Variants in SPAG9 observed in about 807,000 individuals in gnomAD.
SPAG9 encodes sperm associated antigen 9.
A neutral mutation model predicts 166.5 loss-of-function variants in SPAG9; 35 were observed. That is an observed-to-expected ratio of 0.21 (90% CI 0.16 to 0.28). The LOEUF (loss-of-function observed/expected upper bound fraction) is 0.28, where lower values mean the gene tolerates loss of function less well. Among genes scored for constraint, SPAG9 ranks in the 10% least tolerant of loss-of-function variants. The probability of loss-of-function intolerance (pLI) is 1.00; values close to 1 mark genes in which losing one functional copy is unlikely to be tolerated. For synonymous variants in SPAG9, 534 were observed against 565.5 expected (o/e 0.94, Z 0.79); for missense variants, 1,235 against 1,603.3 (o/e 0.77, Z 3.92).
intron 27 of SPAG9, among the ~76,000 whole-genome samples, chr17:50,976,127 T>G (rs908697007): frequency 6.7e-6 from 1 of 148,338 alleles, no homozygotes; most frequent in Non-Finnish European, 1.5e-5. Context: ...ATTTATGGTG[T>G]TTTTTTTTTA....
chr17:51,027,080 A>T (rs995674323), intron 6 of SPAG9, among the ~76,000 whole-genome samples: 2 of 152,138 alleles, frequency 1.3e-5, no homozygotes, highest in African/African-American at 4.8e-5. Context: ...AATCGGACAA[A>T]GTATTTGGCC....
Position 50,996,547 on chromosome 17 carries a change from A to G in SPAG9, c.1968+18T>C. 1.2e-6 allele frequency: 2 copies of G among 1,613,878 alleles called. No homozygotes were observed. Among genetic ancestry groups the G allele is most frequent in the South Asian group, 2.2e-5 (2 of 91,046 alleles). ...CTCTTCTTTCCTGCTGGATGCTCTT[A>G]CCACATGTGCATATTACCTGTTTGT... On this transcript the variant is annotated intron_variant, in intron 16 of 29. Transcript: ENST00000262013.
intron 1 of SPAG9, among the ~76,000 whole-genome samples, chr17:51,099,666 T>C (rs1382787018): frequency 6.7e-6 from 1 of 148,564 alleles, no homozygotes; most frequent in Non-Finnish European, 1.5e-5. Context: ...GCCAACATCT[T>C]ACATTTCTGA....
rs113335123 is a variant in SPAG9, at chr17:51,035,160, T to A, written c.742-3438A>T. ...CCCTGTCTGTAATAAAAATTTTTTT[T>A]AAAAAAGCAATATGGGATCCTGGGC... On this transcript the variant is annotated intron_variant, in intron 5 of 29. Transcript: ENST00000262013. 2.8e-3 allele frequency among the ~76,000 whole-genome samples: 433 copies of A among 152,198 alleles called. 1 individual carries two copies. Among genetic ancestry groups the A allele is most frequent in the African/African-American group, 9.1e-3 (378 of 41,524 alleles).
rs1344352161 is a variant in SPAG9, at chr17:50,982,387, T to C, written c.3237+137A>G. Reference sequence around the variant, plus strand: ...TTAAGTAACACAGAAAGCTAAGATATTCAAATACATTACTCAAGTGCCCTA... The same window carrying C: ...TTAAGTAACACAGAAAGCTAAGATACTCAAATACATTACTCAAGTGCCCTA... On this transcript the variant is annotated intron_variant, in intron 25 of 29. Transcript: ENST00000262013. 6.9e-6 allele frequency: 5 copies of C among 720,532 alleles called. No homozygotes were observed. In the South Asian group the frequency reaches 9.1e-5, roughly 13 times the overall value. 44.6% of individuals were successfully genotyped at this position (720,532 alleles called of 1,614,324 possible).
At chr17:51,026,674 CTTTTTTTTTTTT>C (rs35339612) in intron 6 of SPAG9, among the ~76,000 whole-genome samples, 2 of 124,224 alleles carry the variant, frequency 1.6e-5, no homozygotes, top group African/African-American at 5.8e-5. Context: ...TTTTTCTTTT[CTTTTTTTTTTTT>C]TTTTTTGAGA....
At chr17:51,044,735 T>C (rs953986038) in intron 4 of SPAG9, among the ~76,000 whole-genome samples, 2 of 152,198 alleles carry the variant, frequency 1.3e-5, no homozygotes, top group Non-Finnish European at 2.9e-5. Flanking sequence ...TTTTAGGCAC[T>C]AGTAATTGGC....
rs1257171565 is a variant in SPAG9, at chr17:50,966,356, T to C, written c.3882A>G (p.Gly1294=). The change falls in exon 30 of 30, where the codon GGA becomes GGG. Residue 1294 remains glycine (G), a synonymous_variant. Coordinates refer to ENST00000262013, the MANE Select transcript of SPAG9 (RefSeq NM_001130528.3). ...GDEGGESELL[G]EDLPLEPSVT... ...CAGAAGGTTCAAGTGGAAGATCCTCTCCAAGAAGTTCTGATTCTCCACCTT... is the reference window on the plus strand; with the variant it reads ...CAGAAGGTTCAAGTGGAAGATCCTCCCCAAGAAGTTCTGATTCTCCACCTT... The C allele has an allele frequency of 6.2e-7, 1 of 1,613,508 alleles. No homozygotes were observed. The highest frequency in any genetic ancestry group is 8.5e-7 in the Non-Finnish European group (1 of 1,179,488).
chr17:51,047,240 C>T (rs2047050480), intron 4 of SPAG9, 135 bp downstream of exon 4: 3 of 584,050 alleles, frequency 5.1e-6, no homozygotes, highest in South Asian at 4.6e-5. Context: ...TTCTCTCCTG[C>T]AGCATTCCAA....
intron 5 of SPAG9, among the ~76,000 whole-genome samples, chr17:51,037,693 T>TATATATATATATATATATATATATATA (rs1568028403): frequency 1.1e-5 from 1 of 89,892 alleles, no homozygotes; most frequent in Non-Finnish European, 2.6e-5. Flanking sequence ...ATAGTGTGTG[T>TATATATATATATATATATATATATATA]GTGTGTGTGT....
chr17:51,075,008 C>A (rs1360439452), intron 2 of SPAG9, among the ~76,000 whole-genome samples: 1 of 151,444 alleles, frequency 6.6e-6, no homozygotes, highest in Non-Finnish European at 1.5e-5. Context: ...ACCAGCCTGG[C>A]CAACATAGTG....
intron 24 of SPAG9, among the ~76,000 whole-genome samples, chr17:50,984,579 G>A (rs1224039391): frequency 3.9e-5 from 6 of 152,096 alleles, no homozygotes; most frequent in Admixed American, 2.0e-4. Context: ...CCAGCTACTC[G>A]GGAGGCTGAG....
chr17:51,030,034 T>C (rs2046327856), intron 6 of SPAG9, among the ~76,000 whole-genome samples: 1 of 152,228 alleles, frequency 6.6e-6, no homozygotes, highest in Non-Finnish European at 1.5e-5. Context: ...CTTGAGATAC[T>C]GCAGTAAAAG....
At chr17:50,976,973 C>G in intron 27 of SPAG9, 135 bp downstream of exon 27, 1 of 599,170 alleles carries the variant, frequency 1.7e-6, no homozygotes, top group Non-Finnish European at 2.9e-6. Flanking sequence ...TTATAAGTTT[C>G]ATTGAGTGAA....
Position 51,047,412 on chromosome 17 carries a change from T to A in SPAG9, c.553A>T (p.Ser185Cys). The change falls in exon 4 of 30, where the codon AGT becomes TGT. Residue 185 changes from serine (S) to cysteine (C), a missense_variant. Around this residue, in one of 6 missense-constraint regions of SPAG9, gnomAD observed 288 missense variants for 323.7 expected, o/e 0.89. Coordinates refer to ENST00000262013, the MANE Select transcript of SPAG9 (RefSeq NM_001130528.3). ...ERTKLHQLSG[S>C]DQLESTAHSR... Reference sequence around the variant, plus strand: ...TGAGCTGTGGATTCTAGTTGATCACTCCCTGAGAGCTGATGAAGTTTTGTT... The same window carrying A: ...TGAGCTGTGGATTCTAGTTGATCACACCCTGAGAGCTGATGAAGTTTTGTT... 1 of 1,595,728 alleles carries A rather than the reference T, an allele frequency of 6.3e-7. No individual in the cohort carries two copies. Among genetic ancestry groups the A allele is most frequent in the East Asian group, 2.3e-5 (1 of 44,072 alleles).
At chr17:51,029,282 C>T (rs972466604) in intron 6 of SPAG9, among the ~76,000 whole-genome samples, 5 of 152,276 alleles carry the variant, frequency 3.3e-5, no homozygotes, top group Admixed American at 2.6e-4. Flanking sequence ...AATGAGATAT[C>T]ATCACCTGGC....
intron 1 of SPAG9, among the ~76,000 whole-genome samples, chr17:51,097,396 A>C (rs1244602169): frequency 6.6e-6 from 1 of 152,168 alleles, no homozygotes; most frequent in Non-Finnish European, 1.5e-5. Flanking sequence ...AATAAAAGAC[A>C]GTAGCTGGGC....
chr17:51,102,238 T>C (rs1171072025), intron 1 of SPAG9, among the ~76,000 whole-genome samples: 2 of 151,218 alleles, frequency 1.3e-5, no homozygotes, highest in African/African-American at 2.4e-5. Flanking sequence ...AAACATAAAA[T>C]ACTAAAATAC....
At chr17:50,991,686 C>T (rs1157044110) in intron 19 of SPAG9, among the ~76,000 whole-genome samples, 4 of 151,206 alleles carry the variant, frequency 2.6e-5, no homozygotes, top group African/African-American at 9.7e-5. Flanking sequence ...TGCAATGGTA[C>T]AGTCTCGGCT....
Sources: gnomAD v4.1 joint callset for allele counts (sites outside exome capture counted in the v4.1 genomes callset) on GRCh38, gnomAD v4.1.1 for gene constraint, gnomAD v4.1.1 regional missense constraint, MANE v1.5 for transcripts, NCBI Gene and HGNC (gene_info 2026-07-23, HGNC 2026-07-21) for gene names.